CEP170: variants seen among roughly 807,000 people sequenced by gnomAD.
The protein encoded by CEP170 is centrosomal protein 170, also known as centrosomal protein of 170 kDa.
Under a neutral mutation model 151.9 loss-of-function variants are expected in CEP170, and 21 were observed. The observed-to-expected ratio is 0.14, with a 90% CI of 0.10 to 0.20. The LOEUF is 0.20. CEP170 is among the 10% of genes least tolerant of loss of function. CEP170 has a pLI of 1.00. For synonymous variants in CEP170, 356 were observed against 648.8 expected (o/e 0.55, Z 6.86); for missense variants, 964 against 1,892.9 (o/e 0.51, Z 9.11).
chr1:243,225,638 T>G (rs1396872143), intron 1 of CEP170, among the ~76,000 whole-genome samples: 2 of 152,196 alleles, frequency 1.3e-5, no homozygotes, highest in Non-Finnish European at 2.9e-5. Context: ...AATCCTCAAG[T>G]AAATGCTCAT....
In CEP170 at chr1:243,200,499, T is replaced by C. The variant is rs1467449195; in HGVS notation, c.496+19A>G. On this transcript the variant is annotated intron_variant, in intron 6 of 19. Coordinates refer to ENST00000366542, the MANE Select transcript of CEP170 (RefSeq NM_014812.3). ...CAAGATCAAGTATAAAGATGGTCTTTCGAGAGAGGCCAGCTTACCCATGGC... is the reference window on the plus strand; with the variant it reads ...CAAGATCAAGTATAAAGATGGTCTTCCGAGAGAGGCCAGCTTACCCATGGC... 2.5e-5 allele frequency: 39 copies of C among 1,567,572 alleles called. No homozygotes were observed. The highest frequency in any genetic ancestry group is 3.1e-5 in the Non-Finnish European group (36 of 1,148,268).
In CEP170 at chr1:243,186,267, G is replaced by T; in HGVS notation, c.1264C>A (p.Gln422Lys). ...AAAGCAGTTTGACTTACAACAGCTT[G>T]GTCTTGATGCTTTTCAGTAGCCTGG... Reference protein sequence around the residue: ...KVQATEKHQDQAVTSSAHHRG... With the variant: ...KVQATEKHQDKAVTSSAHHRG... Residue 422 changes from glutamine to lysine, a missense_variant, in exon 9 of 20, where the codon CAA (glutamine) becomes AAA (lysine). By Grantham distance (53) the Gln-to-Lys change is moderately conservative. Coordinates refer to ENST00000366542, the MANE Select transcript of CEP170 (RefSeq NM_014812.3). 6.2e-7 allele frequency: 1 copy of T among 1,613,716 alleles called. No homozygotes were observed.
At chr1:243,148,700 TATTG>T (rs1419899112) in intron 14 of CEP170, among the ~76,000 whole-genome samples, 1 of 152,252 alleles carries the variant, frequency 6.6e-6, no homozygotes, top group Non-Finnish European at 1.5e-5. Flanking sequence ...TTAATTCATG[TATTG>T]ATTAACTCAT....
chr1:243,213,662 C>T (rs1279779555), intron 3 of CEP170, among the ~76,000 whole-genome samples: 1 of 151,946 alleles, frequency 6.6e-6, no homozygotes, highest in Non-Finnish European at 1.5e-5. Flanking sequence ...GTAAGAATCA[C>T]GTAGTATTTT....
chr1:243,252,533 T>G (rs2066033923), intron 1 of CEP170, among the ~76,000 whole-genome samples: 1 of 152,022 alleles, frequency 6.6e-6, no homozygotes, highest in African/African-American at 2.4e-5. Context: ...TTGGAACAAA[T>G]CAAATAAATC....
At position 243,185,054 on chromosome 1, in the gene CEP170, C is replaced by T. The variant is rs1337858717; in HGVS notation, c.1566+725G>A. On this transcript the variant is annotated intron_variant, in intron 10 of 19. Transcript: ENST00000366542. This position sits in a 1 kb window ranked among gnomAD's most constrained non-coding sequence, Gnocchi z 4.9. ...CTGCGGTTTTTGCCATTACTTTCAA[C>T]GGCAACCTTGATAGCTGATTCTAAA... 3.9e-5 allele frequency among the ~76,000 whole-genome samples: 6 copies of T among 152,174 alleles called. No individual in the cohort carries two copies. Among genetic ancestry groups the T allele is most frequent in the East Asian group, 3.8e-4 (2 of 5,196 alleles).
chr1:243,222,313 T>C (rs1255379867), intron 2 of CEP170, among the ~76,000 whole-genome samples: 1 of 152,194 alleles, frequency 6.6e-6, no homozygotes, highest in Non-Finnish European at 1.5e-5. Context: ...ATATGGGCTC[T>C]AAAACTGGAA....
intron 1 of CEP170, among the ~76,000 whole-genome samples, chr1:243,244,280 C>T (rs1572642842): frequency 1.3e-5 from 2 of 151,836 alleles, no homozygotes; most frequent in African/African-American, 4.8e-5. Context: ...CTGTCCTGTA[C>T]ATTTGAGAAT....
chr1:243,208,414 G>C (rs1223700146), intron 4 of CEP170, among the ~76,000 whole-genome samples: 1 of 151,892 alleles, frequency 6.6e-6, no homozygotes, highest in Non-Finnish European at 1.5e-5. Flanking sequence ...ATTTCACTCA[G>C]AATAAAAGTC....
chr1:243,198,565 G>A (rs560167115), intron 7 of CEP170, among the ~76,000 whole-genome samples: 9 of 152,092 alleles, frequency 5.9e-5, no homozygotes, highest in South Asian at 2.1e-4. Flanking sequence ...TCAGCTCCTC[G>A]GGAGGCTGAA....
intron 14 of CEP170, among the ~76,000 whole-genome samples, chr1:243,147,214 T>C (rs1001460003): frequency 1.3e-5 from 2 of 152,254 alleles, no homozygotes; most frequent in African/African-American, 4.8e-5. Context: ...GTACATGCCT[T>C]GTAAATACTT....
At chr1:243,214,902 A>C (rs1299444304) in intron 3 of CEP170, among the ~76,000 whole-genome samples, 1 of 152,196 alleles carries the variant, frequency 6.6e-6, no homozygotes, top group African/African-American at 2.4e-5. Flanking sequence ...AATTATTTGT[A>C]CAATATTTTT....
chr1:243,177,249 C>T (rs1008090075), intron 10 of CEP170, among the ~76,000 whole-genome samples: 10 of 152,152 alleles, frequency 6.6e-5, no homozygotes, highest in Non-Finnish European at 1.3e-4. Context: ...AGGCATAAAA[C>T]TATAGTAATA....
intron 3 of CEP170, among the ~76,000 whole-genome samples, chr1:243,214,232 T>C (rs1465245035): frequency 6.6e-6 from 1 of 151,320 alleles, no homozygotes; most frequent in Non-Finnish European, 1.5e-5. Flanking sequence ...TTGCACTTTA[T>C]GGAGGAAAAA....
At chr1:243,233,732 C>CCA in intron 1 of CEP170, among the ~76,000 whole-genome samples, 1 of 97,798 alleles carries the variant, frequency 1.0e-5, no homozygotes, top group Non-Finnish European at 2.0e-5. Flanking sequence ...GACTCCATCT[C>CCA]AAAAAAAAAA....
intron 2 of CEP170, among the ~76,000 whole-genome samples, chr1:243,222,091 C>T (rs141895322): frequency 3.9e-4 from 60 of 152,028 alleles, no homozygotes; most frequent in African/African-American, 1.3e-3. Flanking sequence ...AATGTATTAA[C>T]TTAATTTTTT....
chr1:243,251,932 C>A (rs1024634491), intron 1 of CEP170, among the ~76,000 whole-genome samples: 1 of 152,116 alleles, frequency 6.6e-6, no homozygotes, highest in African/African-American at 2.4e-5. Context: ...GACAATATAT[C>A]CAGTTTAATC....
chr1:243,207,888 C>T (rs2061526546), intron 4 of CEP170, among the ~76,000 whole-genome samples: 1 of 151,428 alleles, frequency 6.6e-6, no homozygotes, highest in Non-Finnish European at 1.5e-5. Flanking sequence ...AACTGAATGA[C>T]CTCAGCTCCT....
At chr1:243,249,151 C>T (rs555768940) in intron 1 of CEP170, among the ~76,000 whole-genome samples, 3 of 151,970 alleles carry the variant, frequency 2.0e-5, no homozygotes, top group African/African-American at 7.2e-5. Flanking sequence ...CATGGCCAGG[C>T]GTGGTGGTTC....
Sources: allele counts gnomAD v4.1 joint callset (sites outside exome capture counted in the v4.1 genomes callset), GRCh38; gene constraint gnomAD v4.1.1; non-coding constraint Gnocchi (gnomAD v3.1); transcripts MANE v1.5; gene names NCBI Gene and HGNC (gene_info 2026-07-23, HGNC 2026-07-21).